The following ZNF415 variants were observed in gnomAD, a reference collection of about 807,000 sequenced individuals.
The protein encoded by ZNF415 is zinc finger protein 415.
ZNF415 carries 5 observed loss-of-function variants against 7.3 expected under a neutral mutation model. The ratio of observed to expected loss-of-function variants is 0.69; its 90% CI spans 0.36 to 1.44. The LOEUF (loss-of-function observed/expected upper bound fraction) is 1.44. ZNF415 is among the 40% of genes most tolerant of loss of function. ZNF415 has a pLI of 0.04. For synonymous variants in ZNF415, 207 were observed against 226.3 expected, an observed-to-expected ratio of 0.91 and a Z score of 0.77; for missense variants, 628 against 664.8, an observed-to-expected ratio of 0.94 and a Z score of 0.61.
intron 3 of ZNF415, among the ~76,000 whole-genome samples, chr19:53,112,156 C>T (rs1165285462): frequency 6.6e-6 from 1 of 152,142 alleles, no homozygotes; most frequent in African/African-American, 2.4e-5. Flanking sequence ...GTTGGCCAGG[C>T]TGGTTTCGAA....
At chr19:53,125,055 T>A (rs12982809) in intron 1 of ZNF415, among the ~76,000 whole-genome samples, 6 of 108,204 alleles carry the variant, frequency 5.5e-5, no homozygotes, top group African/African-American at 1.8e-4. Context: ...TCCAATTTTT[T>A]TTTTTTTGAG....
chr19:53,111,973 G>A (rs530347000), intron 3 of ZNF415, among the ~76,000 whole-genome samples: 11 of 151,974 alleles, frequency 7.2e-5, no homozygotes, highest in Non-Finnish European at 1.2e-4. Context: ...ACACAGTCTC[G>A]CTCTTTTGCC....
chr19:53,126,975 ACT>A (rs1282272242), intron 1 of ZNF415, among the ~76,000 whole-genome samples: 4 of 107,508 alleles, frequency 3.7e-5, no homozygotes, highest in Non-Finnish European at 7.9e-5. Context: ...TGACTCTGTG[ACT>A]CTGTTATCTT....
At chr19:53,113,084 C>CT (rs1480009571) in intron 3 of ZNF415, among the ~76,000 whole-genome samples, 5 of 35,072 alleles carry the variant, frequency 1.4e-4, no homozygotes, top group African/African-American at 2.2e-4. Flanking sequence ...GAAACTCCAT[C>CT]TTAAAAAAAA....
At chr19:53,130,588 T>C (rs1271256448) in intron 1 of ZNF415, among the ~76,000 whole-genome samples, 11 of 152,114 alleles carry the variant, frequency 7.2e-5, no homozygotes, top group Non-Finnish European at 1.6e-4. Context: ...AAATGAACTA[T>C]ACATGAGATG....
At chr19:53,129,657 A>G in intron 1 of ZNF415, 1 of 399,318 alleles carries the variant, frequency 2.5e-6, no homozygotes, top group Admixed American at 4.4e-5. Context: ...CATTTCACCA[A>G]GTTATCCTGA....
chr19:53,112,248 G>C (rs1381399540), intron 3 of ZNF415, among the ~76,000 whole-genome samples: 1 of 152,188 alleles, frequency 6.6e-6, no homozygotes, highest in Non-Finnish European at 1.5e-5. Context: ...CGGGCCATCA[G>C]ACGTGTTTTT....
chr19:53,116,614 T>C (rs2087091523), intron 2 of ZNF415, among the ~76,000 whole-genome samples, 181 bp from the exon 3 acceptor site: 1 of 13,624 alleles, frequency 7.3e-5, no homozygotes, highest in African/African-American at 3.4e-4. Context: ...TTTTTCTCTC[T>C]TTTTTTTTTT....
chr19:53,131,431 C>T (rs1281619913), intron 1 of ZNF415, among the ~76,000 whole-genome samples: 1 of 152,178 alleles, frequency 6.6e-6, no homozygotes, highest in Non-Finnish European at 1.5e-5. Context: ...TTCTCATCAT[C>T]TGTGCATTTT....
At chr19:53,121,320 G>A (rs934506268) in intron 2 of ZNF415, among the ~76,000 whole-genome samples, 9 of 151,052 alleles carry the variant, frequency 6.0e-5, no homozygotes, top group Non-Finnish European at 1.2e-4. Flanking sequence ...GGGAGGTGGA[G>A]GTTGCAGTGA....
intron 1 of ZNF415, among the ~76,000 whole-genome samples, chr19:53,130,125 G>C (rs1232956307): frequency 6.6e-6 from 1 of 151,038 alleles, no homozygotes; most frequent in Non-Finnish European, 1.5e-5. Context: ...TCACATATCT[G>C]AGCAAAAGAA....
At chr19:53,123,658 G>A (rs2088530826) in intron 1 of ZNF415, 1 of 398,474 alleles carries the variant, frequency 2.5e-6, no homozygotes, top group Admixed American at 4.4e-5. Context: ...GAGAGGTCCT[G>A]GGAGGGCAGA....
intron 1 of ZNF415, among the ~76,000 whole-genome samples, chr19:53,125,263 C>T (rs1052799565): frequency 1.3e-5 from 2 of 151,572 alleles, no homozygotes; most frequent in African/African-American, 2.4e-5. Flanking sequence ...AGGATGGTCT[C>T]GATCTCCTGA....
In ZNF415 at chr19:53,127,605, G is replaced by A. The variant is rs550494144; in HGVS notation, c.-67-4862C>T. Among the ~76,000 whole-genome samples the A allele has an allele frequency of 7.9e-5, 12 of 152,288 alleles. No homozygotes were observed. The South Asian group carries it at 1.7e-3, about 21-fold the overall frequency. On this transcript the variant is annotated intron_variant, in intron 1 of 3. Transcript: ENST00000243643. ...CTGAAAGCTTCCTGATCGGCCGGGCGTGGTGGCTCCCACCTGTAATCCCAG... is the reference window on the plus strand; with the variant it reads ...CTGAAAGCTTCCTGATCGGCCGGGCATGGTGGCTCCCACCTGTAATCCCAG...
At chr19:53,115,633 C>T in intron 3 of ZNF415, 1 of 1,194,728 alleles carries the variant, frequency 8.4e-7, no homozygotes, top group Non-Finnish European at 1.2e-6. Flanking sequence ...CTACAGAACT[C>T]TCCCACTTGC....
Position 53,109,916 on chromosome 19 carries a change from A to G in ZNF415, c.137-8T>C, listed in dbSNP as rs2085988688. On this transcript the variant is annotated splice_region_variant and splice_polypyrimidine_tract_variant and intron_variant, in intron 3 of 3. Transcript: ENST00000243643. ...CACAGTTACGAGACAGATCTATAAGAAATGAAAACCATAGGTTTCCAATTA... is the reference window on the plus strand; with the variant it reads ...CACAGTTACGAGACAGATCTATAAGGAATGAAAACCATAGGTTTCCAATTA... 3.8e-5 allele frequency: 59 copies of G among 1,548,920 alleles called. No homozygotes were observed. The highest frequency in any genetic ancestry group is 5.0e-5 in the Non-Finnish European group (58 of 1,154,646).
Position 53,109,926 on chromosome 19 carries a change from C to T in ZNF415, c.137-18G>A. ...AGACAGATCTATAAGAAATGAAAAC[C>T]ATAGGTTTCCAATTAATTAGAGACA... On this transcript the variant is annotated intron_variant, in intron 3 of 3. Coordinates refer to ENST00000243643, the MANE Select transcript of ZNF415 (RefSeq NM_018355.4). The T allele has an allele frequency of 6.5e-7, 1 of 1,528,304 alleles. No individual in the cohort carries two copies. Among genetic ancestry groups the T allele is most frequent in the Non-Finnish European group, 8.8e-7 (1 of 1,142,552 alleles). The allele number at this position is 1,528,304 out of a possible 1,614,324, so 94.7% of individuals were successfully genotyped here.
At chr19:53,119,345 C>T (rs985415132) in intron 2 of ZNF415, among the ~76,000 whole-genome samples, 8 of 142,710 alleles carry the variant, frequency 5.6e-5, no homozygotes, top group African/African-American at 1.3e-4. Flanking sequence ...CTCTGGAGGC[C>T]GAGATGGGAG....
intron 3 of ZNF415, chr19:53,115,737 T>C (rs749820871): frequency 6.4e-6 from 10 of 1,550,556 alleles, no homozygotes; most frequent in East Asian, 2.4e-5. Context: ...TCCCACCCTT[T>C]TGGTTTTCTT....
Sources: gnomAD v4.1 joint callset for allele counts (sites outside exome capture counted in the v4.1 genomes callset) on GRCh38, gnomAD v4.1.1 for gene constraint, MANE v1.5 for transcripts, NCBI Gene and HGNC (gene_info 2026-07-23, HGNC 2026-07-21) for gene names.